Variants in ZNF654 observed in about 807,000 individuals in gnomAD.
ZNF654 encodes the protein melanoma-associated antigen.
In ZNF654, 19 loss-of-function variants were observed where a neutral mutation model predicts 95.3. That is an observed-to-expected ratio of 0.20 (90% CI 0.14 to 0.29). The LOEUF is 0.29. ZNF654 is among the 10% of genes least tolerant of loss of function. The pLI, the probability that ZNF654 is intolerant of heterozygous loss-of-function variation, is 1.00. For missense variants in ZNF654, 1,046 were observed against 1,341.0 expected, an observed-to-expected ratio of 0.78 and a Z score of 3.44; for synonymous variants, 413 against 457.9, an observed-to-expected ratio of 0.90 and a Z score of 1.25.
At chr3:88,084,559 G>A (rs1440285581) in intron 1 of ZNF654, among the ~76,000 whole-genome samples, 1 of 152,182 alleles carries the variant, frequency 6.6e-6, no homozygotes, top group African/African-American at 2.4e-5. Context: ...CAAGTTCAGA[G>A]ACAATCTCCT....
At chr3:88,105,950 C>T (rs913713130) in intron 2 of ZNF654, among the ~76,000 whole-genome samples, 1 of 152,164 alleles carries the variant, frequency 6.6e-6, no homozygotes, top group Non-Finnish European at 1.5e-5. Context: ...AATTTGGCCT[C>T]TTTTTGCTGC....
At chr3:88,086,473 T>G in intron 2 of ZNF654, 71 bp downstream of exon 2, 1 of 1,280,294 alleles carries the variant, frequency 7.8e-7, no homozygotes, top group Non-Finnish European at 1.0e-6. Flanking sequence ...TTTGATAATT[T>G]CTTCTGAAGA....
At chr3:88,092,691 T>C (rs1703817457) in intron 2 of ZNF654, among the ~76,000 whole-genome samples, 1 of 152,218 alleles carries the variant, frequency 6.6e-6, no homozygotes, top group African/African-American at 2.4e-5. Flanking sequence ...TTAAATAATG[T>C]TATAAAATAA....
intron 1 of ZNF654, among the ~76,000 whole-genome samples, chr3:88,067,419 G>T (rs866170224): frequency 6.6e-6 from 1 of 152,194 alleles, no homozygotes; most frequent in Non-Finnish European, 1.5e-5. Context: ...TATCATAGCC[G>T]TGTGGATGGT....
intron 1 of ZNF654, 83 bp downstream of exon 1, chr3:88,059,588 G>T: frequency 1.4e-6 from 2 of 1,433,376 alleles, no homozygotes; most frequent in South Asian, 3.0e-5. Context: ...CCATGAATCT[G>T]GTCTATGTCC....
intron 1 of ZNF654, among the ~76,000 whole-genome samples, chr3:88,060,436 G>A (rs529979646): frequency 6.6e-6 from 1 of 152,244 alleles, no homozygotes; most frequent in Admixed American, 6.5e-5. Context: ...AATTTAAACG[G>A]TTTGTTCCCA....
intron 3 of ZNF654, among the ~76,000 whole-genome samples, chr3:88,115,810 CATT>C (rs777891036): frequency 4.2e-4 from 64 of 152,212 alleles, no homozygotes; most frequent in Non-Finnish European, 6.9e-4. Flanking sequence ...TCATCATCAT[CATT>C]ATATCTAGCA....
At chr3:88,061,506 C>T (rs758957269) in intron 1 of ZNF654, among the ~76,000 whole-genome samples, 2 of 152,084 alleles carry the variant, frequency 1.3e-5, no homozygotes, top group African/African-American at 2.4e-5. Context: ...TTACCTGAAA[C>T]TTTACATATT....
intron 2 of ZNF654, chr3:88,095,957 G>A: frequency 2.7e-5 from 9 of 328,572 alleles, no homozygotes; most frequent in Non-Finnish European, 4.5e-5. Context: ...CTGTGTGCTT[G>A]GTTTTCTTTC....
intron 2 of ZNF654, among the ~76,000 whole-genome samples, chr3:88,090,751 T>C (rs1283375924): frequency 6.6e-6 from 1 of 152,184 alleles, no homozygotes; most frequent in Non-Finnish European, 1.5e-5. Context: ...AGCTTTTATC[T>C]TTTACACCAG....
intron 2 of ZNF654, among the ~76,000 whole-genome samples, chr3:88,103,494 A>G (rs1281743383): frequency 1.3e-5 from 2 of 152,204 alleles, no homozygotes; most frequent in South Asian, 2.1e-4. Context: ...AAAATCTAAA[A>G]CTGTATAACA....
chr3:88,068,951 T>A (rs936561614), intron 1 of ZNF654, among the ~76,000 whole-genome samples: 1 of 152,280 alleles, frequency 6.6e-6, no homozygotes, highest in Non-Finnish European at 1.5e-5. Context: ...GTATCTATTG[T>A]ACCATCTATG....
rs569307142 is a variant in ZNF654, at chr3:88,061,426, T to C, written c.186+1921T>C. Among the ~76,000 whole-genome samples the C allele has an allele frequency of 2.0e-5, 3 of 152,314 alleles. No individual in the cohort carries two copies. The East Asian group carries it at 5.8e-4, about 29-fold the overall frequency. Reference sequence around the variant, plus strand: ...ACAGGAAGAACTTAATGAACGTTTATTTTCTATTGCTAAATTATGTTAGAC... The same window carrying C: ...ACAGGAAGAACTTAATGAACGTTTACTTTCTATTGCTAAATTATGTTAGAC... On this transcript the variant is annotated intron_variant, in intron 1 of 8. Transcript: ENST00000636215.
Position 88,059,387 on chromosome 3 carries a change from C to G in ZNF654, c.68C>G (p.Ser23Cys). The G allele has an allele frequency of 6.5e-7, 1 of 1,535,274 alleles. No homozygotes were observed. Among genetic ancestry groups the G allele is most frequent in the Non-Finnish European group, 8.7e-7 (1 of 1,146,670 alleles). The change falls in exon 1 of 9, where the codon TCC becomes TGC. Residue 23 changes from serine to cysteine, a missense_variant. This residue lies in a region of ZNF654 where 89 missense variants were observed against 77.9 expected (regional missense o/e 1.14). Transcript: ENST00000636215. ...GAAGAGCTTGTGGCCATTGTGGAGT[C>G]CCCGCTGGGCCCTGTGGGGCTTAGA... Reference protein sequence around the residue: ...LGEELVAIVESPLGPVGLRAA... With the variant: ...LGEELVAIVECPLGPVGLRAA...
At chr3:88,090,861 A>G (rs918239899) in intron 2 of ZNF654, among the ~76,000 whole-genome samples, 1 of 152,226 alleles carries the variant, frequency 6.6e-6, no homozygotes, top group Non-Finnish European at 1.5e-5. Context: ...CTGATAAGCT[A>G]AGAAAAAAAA....
At chr3:88,133,577 A>G (rs1342620875) in intron 6 of ZNF654, among the ~76,000 whole-genome samples, 1 of 147,964 alleles carries the variant, frequency 6.8e-6, no homozygotes, top group Non-Finnish European at 1.5e-5. Context: ...GGAATGAAGT[A>G]CTTTCCAAAT....
intron 8 of ZNF654, among the ~76,000 whole-genome samples, 188 bp downstream of exon 8, chr3:88,141,236 AG>A: frequency 6.6e-6 from 1 of 152,130 alleles, no homozygotes; most frequent in Non-Finnish European, 1.5e-5. Context: ...CCTGTTTTAT[AG>A]ATCAAGCAAC....
At chr3:88,103,959 G>T (rs1445919227) in intron 2 of ZNF654, among the ~76,000 whole-genome samples, 1 of 151,752 alleles carries the variant, frequency 6.6e-6, no homozygotes, top group Non-Finnish European at 1.5e-5. Context: ...ACGGGGTTTT[G>T]TCATGTTGGC....
At chr3:88,066,772 A>T (rs530601840) in intron 1 of ZNF654, among the ~76,000 whole-genome samples, 1 of 152,338 alleles carries the variant, frequency 6.6e-6, no homozygotes, top group East Asian at 1.9e-4. Flanking sequence ...AAATGTGCTA[A>T]ACTACACCTT....
Sources: allele counts gnomAD v4.1 joint callset (sites outside exome capture counted in the v4.1 genomes callset), GRCh38; gene constraint gnomAD v4.1.1; regional missense constraint gnomAD v4.1.1; transcripts MANE v1.5; gene names NCBI Gene and HGNC (gene_info 2026-07-23, HGNC 2026-07-21).